PCDH11X: variants seen among roughly 807,000 people sequenced by gnomAD.
PCDH11X encodes protocadherin 11 X-linked.
A neutral mutation model predicts 53.3 loss-of-function variants in PCDH11X; 18 were observed. That is an observed-to-expected ratio of 0.34 (90% confidence interval 0.23 to 0.50). The LOEUF (loss-of-function observed/expected upper bound fraction) is 0.50. Among genes scored for constraint, PCDH11X ranks in the 20% least tolerant of loss-of-function variants. PCDH11X has a pLI of 0.98. For synonymous variants in PCDH11X, 279 were observed against 393.3 expected (o/e 0.71, Z 3.44); for missense variants, 570 against 1,032.4 (o/e 0.55, Z 6.14).
At chrX:92,234,041 G>A (rs2067128032) in intron 7 of PCDH11X, among the ~76,000 whole-genome samples, 1 of 111,749 alleles carries the variant, frequency 8.9e-6, no homozygotes, top group Admixed American at 9.6e-5. Flanking sequence ...TGTCATAAAT[G>A]AGCCAAGACA....
intron 8 of PCDH11X, among the ~76,000 whole-genome samples, chrX:92,371,884 T>G (rs1253395710): frequency 1.8e-5 from 2 of 111,277 alleles, no homozygotes; most frequent in Non-Finnish European, 3.8e-5. Flanking sequence ...GAAGACAGAT[T>G]TGGATCATAG....
chrX:92,110,941 C>A (rs1193520185), intron 6 of PCDH11X, among the ~76,000 whole-genome samples: 1 of 109,053 alleles, frequency 9.2e-6, no homozygotes, highest in Admixed American at 9.9e-5. Context: ...CTTAGAGGAA[C>A]CAGGACATGC....
At chrX:92,156,156 A>G (rs946513032) in intron 6 of PCDH11X, among the ~76,000 whole-genome samples, 2 of 107,879 alleles carry the variant, frequency 1.9e-5, no homozygotes, top group Non-Finnish European at 3.8e-5. Flanking sequence ...TAAAGAGACC[A>G]TAGGATTGAT....
At chrX:92,299,440 G>C (rs1046192354) in intron 8 of PCDH11X, among the ~76,000 whole-genome samples, 12 of 111,199 alleles carry the variant, frequency 1.1e-4, no homozygotes, top group African/African-American at 3.9e-4. Flanking sequence ...GTCTGGTTCT[G>C]GGCTTTTTCT....
chrX:92,041,847 T>C (rs1346088511), intron 6 of PCDH11X, among the ~76,000 whole-genome samples: 1 of 111,320 alleles, frequency 9.0e-6, no homozygotes, highest in Admixed American at 9.6e-5. Context: ...CATGTACCTG[T>C]AATCCCAGCT....
intron 6 of PCDH11X, among the ~76,000 whole-genome samples, chrX:92,095,535 A>G (rs1353066279): frequency 1.8e-5 from 2 of 111,158 alleles, no homozygotes; most frequent in East Asian, 2.8e-4. Flanking sequence ...TGAGTTTCTC[A>G]TCTAGAAGTA....
intron 10 of PCDH11X, among the ~76,000 whole-genome samples, chrX:92,578,820 A>G (rs1923287971): frequency 9.5e-6 from 1 of 105,455 alleles, no homozygotes; most frequent in Non-Finnish European, 1.9e-5. Flanking sequence ...TAGACTTGTT[A>G]ATGTAGTTGC....
At chrX:91,886,843 CG>C (rs1487562480) in intron 6 of PCDH11X, among the ~76,000 whole-genome samples, 13 of 107,127 alleles carry the variant, frequency 1.2e-4, no homozygotes, top group African/African-American at 3.8e-4. Flanking sequence ...TGGTGGCGGG[CG>C]CCTGTAGTCC....
At chrX:92,132,669 GTATATGTATATATATATGTATATA>G (rs1296193033) in intron 6 of PCDH11X, among the ~76,000 whole-genome samples, 1 of 51,615 alleles carries the variant, frequency 1.9e-5, no homozygotes, top group South Asian at 8.0e-4. Flanking sequence ...ATATATATAT[GTATATGTATATATATATGTATATA>G]TATATATATA....
At chrX:92,104,779 A>T (rs139810992) in intron 6 of PCDH11X, among the ~76,000 whole-genome samples, 1 of 109,074 alleles carries the variant, frequency 9.2e-6, no homozygotes, top group South Asian at 4.0e-4. Context: ...GCAGAGAAAG[A>T]GTTGGGGCAC....
At position 92,227,738 on chromosome X, in the gene PCDH11X, A is replaced by G. The variant is rs908361412; in HGVS notation, c.3114+26283A>G. 3.6e-5 allele frequency among the ~76,000 whole-genome samples: 4 copies of G among 110,958 alleles called. No homozygotes were observed. The South Asian group carries it at 1.5e-3, about 42-fold the overall frequency. ...TTCATGTTTGTTTTTATAATTTCAT[A>G]GATACTATAATGTAGTCACTATAAA... On this transcript the variant is annotated intron_variant, in intron 7 of 10. Coordinates refer to ENST00000682573, the MANE Select transcript of PCDH11X (RefSeq NM_032968.5).
intron 6 of PCDH11X, among the ~76,000 whole-genome samples, chrX:92,165,186 A>G (rs1162871342): frequency 8.9e-6 from 1 of 112,107 alleles, no homozygotes; most frequent in African/African-American, 3.2e-5. Flanking sequence ...GGTATCATAA[A>G]TAGAGTTTAA....
chrX:92,515,772 C>A (rs969223108), intron 10 of PCDH11X, among the ~76,000 whole-genome samples: 1 of 110,520 alleles, frequency 9.0e-6, no homozygotes, highest in Non-Finnish European at 1.9e-5. Flanking sequence ...AAAGCAATGA[C>A]AATTTTTTTC....
At chrX:91,907,412 C>CACCCACACACACAGAGAG (rs756926383) in intron 6 of PCDH11X, among the ~76,000 whole-genome samples, 3 of 57,469 alleles carry the variant, frequency 5.2e-5, no homozygotes, top group African/African-American at 2.2e-4. Flanking sequence ...CACACACACA[C>CACCCACACACACAGAGAG]AGAGAGAGAG....
chrX:92,227,607 T>G (rs1415724974), intron 7 of PCDH11X, among the ~76,000 whole-genome samples: 1 of 111,726 alleles, frequency 9.0e-6, no homozygotes, highest in Admixed American at 9.7e-5. Flanking sequence ...CTTTACAAAA[T>G]GTTATCTACA....
At chrX:91,901,928 G>T (rs1266791069) in intron 6 of PCDH11X, among the ~76,000 whole-genome samples, 2 of 111,350 alleles carry the variant, frequency 1.8e-5, no homozygotes, top group Admixed American at 1.9e-4. Context: ...GGAAAGATTC[G>T]TGGAAGAGAT....
intron 10 of PCDH11X, among the ~76,000 whole-genome samples, chrX:92,610,187 A>G (rs1452202658): frequency 8.9e-6 from 1 of 112,065 alleles, no homozygotes; most frequent in Non-Finnish European, 1.9e-5. Flanking sequence ...CTCTCCACAA[A>G]GGCTGAATTA....
chrX:91,953,131 G>GATA (rs1276392372), intron 6 of PCDH11X, among the ~76,000 whole-genome samples: 1 of 109,624 alleles, frequency 9.1e-6, no homozygotes, highest in Non-Finnish European at 1.9e-5. Context: ...CCTGATATCT[G>GATA]ATAACACAAT....
intron 4 of PCDH11X, among the ~76,000 whole-genome samples, chrX:91,824,455 A>C (rs1358918058): frequency 9.0e-6 from 1 of 110,777 alleles, no homozygotes; most frequent in Non-Finnish European, 1.9e-5. Flanking sequence ...CCTTTCTTCC[A>C]GTTGATCGCA....
Sources: gnomAD v4.1 joint callset for allele counts (sites outside exome capture counted in the v4.1 genomes callset) on GRCh38, gnomAD v4.1.1 for gene constraint, MANE v1.5 for transcripts, NCBI Gene and HGNC (gene_info 2026-07-23, HGNC 2026-07-21) for gene names.